Variants in MAP3K13 observed in about 807,000 individuals in gnomAD.
MAP3K13 encodes leucine zipper-bearing kinase.
In MAP3K13, 52 loss-of-function variants were observed where a neutral mutation model predicts 104.0. That is an observed-to-expected ratio of 0.50 (90% CI 0.40 to 0.63). The LOEUF is 0.63. MAP3K13 is among the 20% of genes least tolerant of loss of function. The probability of loss-of-function intolerance (pLI) is 0.00; values close to 1 mark genes in which losing one functional copy is unlikely to be tolerated. For missense variants in MAP3K13, 914 were observed against 1,218.5 expected (o/e 0.75, Z 3.72); for synonymous variants, 394 against 442.2 (o/e 0.89, Z 1.37).
chr3:185,400,808 G>GT (rs35104274), intron 1 of MAP3K13, among the ~76,000 whole-genome samples: 1,345 of 132,210 alleles, frequency 0.01, 15 homozygotes, highest in Non-Finnish European at 0.015. Flanking sequence ...GCTGCTAGGT[G>GT]TTTTTTTTTT....
intron 2 of MAP3K13, chr3:185,329,063 C>T (rs555806104): frequency 2.0e-6 from 1 of 505,476 alleles, no homozygotes; most frequent in Non-Finnish European, 3.6e-6. Context: ...CTACCTGGCT[C>T]TAAATCTTAG....
chr3:185,390,863 G>C (rs907940922), intron 1 of MAP3K13, among the ~76,000 whole-genome samples: 32 of 151,764 alleles, frequency 2.1e-4, no homozygotes, highest in Non-Finnish European at 4.1e-4. Context: ...CCTCATGATC[G>C]GCCTGCCTCG....
intron 4 of MAP3K13, among the ~76,000 whole-genome samples, chr3:185,447,347 T>C (rs1368050033): frequency 4.6e-5 from 7 of 151,184 alleles, no homozygotes; most frequent in Non-Finnish European, 8.8e-5. Context: ...AAAAATTAGC[T>C]GGGCATGGTG....
At chr3:185,470,673 A>G (rs1717722085) in intron 10 of MAP3K13, among the ~76,000 whole-genome samples, 1 of 152,226 alleles carries the variant, frequency 6.6e-6, no homozygotes, top group Non-Finnish European at 1.5e-5. Context: ...GAATAACAGA[A>G]ATCCTCTGTA....
In MAP3K13 at chr3:185,327,178, C is replaced by T. The variant is rs865927509; in HGVS notation, c.-86+41535C>T. 6.7e-4 allele frequency among the ~76,000 whole-genome samples: 102 copies of T among 152,316 alleles called. No homozygotes were observed. The Middle Eastern group carries it at 0.01, about 15-fold the overall frequency. ...GGCCACCTGCAGTCCTCTGAGGCCC[C>T]TTCCTCCATCTTCGAAGCCAGCGAG... On this transcript the variant is annotated intron_variant, in intron 2 of 14. Coordinates refer to the MAP3K13 transcript ENST00000424227.
intron 5 of MAP3K13, among the ~76,000 whole-genome samples, chr3:185,449,237 G>A (rs1715753368): frequency 6.6e-6 from 1 of 151,996 alleles, no homozygotes; most frequent in African/African-American, 2.4e-5. Flanking sequence ...GCCAGGCGTG[G>A]TGGCACGCAC....
intron 3 of MAP3K13, among the ~76,000 whole-genome samples, chr3:185,438,260 C>T (rs1453168163): frequency 6.6e-6 from 1 of 151,544 alleles, no homozygotes; most frequent in Non-Finnish European, 1.5e-5. Flanking sequence ...CATGCTACTG[C>T]CCTCCAGCCT....
intron 9 of MAP3K13, among the ~76,000 whole-genome samples, chr3:185,466,613 G>A (rs1560128165): frequency 6.6e-6 from 1 of 152,072 alleles, no homozygotes; most frequent in South Asian, 2.1e-4. Context: ...CCAACCTCAG[G>A]TGATCCACCC....
chr3:185,480,565 CCTT>C (rs1314985545), intron 13 of MAP3K13, 36 bp downstream of exon 13: 1 of 1,592,362 alleles, frequency 6.3e-7, no homozygotes, highest in Non-Finnish European at 8.6e-7. Flanking sequence ...ATCACTGTTC[CCTT>C]TTTTGCTCTT....
At chr3:185,338,491 G>A (rs1312425399) in intron 2 of MAP3K13, among the ~76,000 whole-genome samples, 1 of 152,128 alleles carries the variant, frequency 6.6e-6, no homozygotes, top group Admixed American at 6.6e-5. Context: ...AAATGACTTA[G>A]AAGCCATAAG....
At position 185,449,888 on chromosome 3, in the gene MAP3K13, G is replaced by A. The variant is rs1715791694; in HGVS notation, c.1011-12G>A. ...GAAACATCTTCTGTCCATGTTCCCG[G>A]CGCTACTGTAGGTCTTTTGGAGTGG... On this transcript the variant is annotated splice_polypyrimidine_tract_variant and intron_variant, in intron 5 of 13. Coordinates refer to ENST00000265026, the MANE Select transcript of MAP3K13 (RefSeq NM_004721.5). The A allele has an allele frequency of 6.3e-7, 1 of 1,589,752 alleles. No homozygotes were observed. The highest frequency in any genetic ancestry group is 1.8e-5 in the Admixed American group (1 of 54,706).
intron 1 of MAP3K13, among the ~76,000 whole-genome samples, chr3:185,387,241 G>C (rs1425545055): frequency 2.6e-5 from 4 of 152,102 alleles, no homozygotes; most frequent in Admixed American, 2.6e-4. Context: ...GGGTCATGGG[G>C]CAGATCCCTC....
At chr3:185,399,206 G>T (rs938769907) in intron 1 of MAP3K13, among the ~76,000 whole-genome samples, 7 of 151,974 alleles carry the variant, frequency 4.6e-5, no homozygotes, top group African/African-American at 9.7e-5. Flanking sequence ...GGAGGAAAAA[G>T]AAACAAAGGA....
chr3:185,382,811 C>G (rs1724793996), intron 1 of MAP3K13, among the ~76,000 whole-genome samples: 3 of 152,140 alleles, frequency 2.0e-5, no homozygotes, highest in Admixed American at 1.3e-4. Context: ...CAAGACCATC[C>G]TGGCTAACAC....
chr3:185,399,156 TAGG>T (rs1003656668), intron 1 of MAP3K13, among the ~76,000 whole-genome samples: 10 of 151,960 alleles, frequency 6.6e-5, no homozygotes, highest in Admixed American at 4.6e-4. Context: ...GAGGAAAGGA[TAGG>T]AGGAGATTAT....
At chr3:185,455,656 TGA>T (rs1560120189) in intron 7 of MAP3K13, among the ~76,000 whole-genome samples, 1 of 32,108 alleles carries the variant, frequency 3.1e-5, no homozygotes, top group African/African-American at 9.1e-5. Flanking sequence ...GATATATATA[TGA>T]TATATATATG....
chr3:185,285,656 C>G (rs1720482129), intron 2 of MAP3K13: 1 of 1,533,180 alleles, frequency 6.5e-7, no homozygotes, highest in African/African-American at 1.4e-5. Context: ...AAGTAGTTGA[C>G]TGTGTTTTAT....
Position 185,425,348 on chromosome 3 carries a change from T to C in MAP3K13, c.-85-3149T>C, listed in dbSNP as rs535221515. The stretch of plus-strand genomic sequence containing the variant: ...CTCAGTTATTGACATTGTCTGTCTA[T>C]TCATTATTCCAAATAAGTGATTTGA... On this transcript the variant is annotated intron_variant, in intron 1 of 13. Transcript: ENST00000265026. 5.2e-3 allele frequency among the ~76,000 whole-genome samples: 796 copies of C among 152,352 alleles called. 9 individuals carry two copies. Among genetic ancestry groups the C allele is most frequent in the African/African-American group, 0.018 (755 of 41,580 alleles).
rs375686419 is a variant in MAP3K13 at position 185,455,624 on chromosome 3, G to GAC, written c.1278+4230_1278+4231insCA. Reference sequence around the variant, plus strand: ...TATATATCATATATATGAGATATATGATATATATATGATATATATGAGATA... The same window carrying GAC: ...TATATATCATATATATGAGATATATGACATATATATATGATATATATGAGATA... On this transcript the variant is annotated intron_variant, in intron 7 of 13. Transcript: ENST00000265026. 3.7e-3 allele frequency among the ~76,000 whole-genome samples: 74 copies of GAC among 19,744 alleles called. 10 individuals are homozygous for GAC. The highest frequency in any genetic ancestry group is 5.7e-3 in the South Asian group (4 of 696). The allele number at this position is 19,744 out of a possible 152,430, so 13.0% of individuals were successfully genotyped here.
Sources: gnomAD v4.1 joint callset for allele counts (sites outside exome capture counted in the v4.1 genomes callset) on GRCh38, gnomAD v4.1.1 for gene constraint, MANE v1.5 for transcripts, NCBI Gene and HGNC (gene_info 2026-07-23, HGNC 2026-07-21) for gene names.